Variants in B4GALNT2 observed in about 807,000 individuals in gnomAD.
The protein encoded by B4GALNT2 is beta-1,4-N-acetyl-galactosaminyltransferase 2 (SID blood group).
In B4GALNT2, 42 loss-of-function variants were observed where a neutral mutation model predicts 51.1. The observed-to-expected ratio is 0.82, with a 90% CI of 0.64 to 1.06. The LOEUF (loss-of-function observed/expected upper bound fraction) is 1.06. Ranked by LOEUF, B4GALNT2 falls within the 50% of genes least tolerant of loss-of-function variation. The pLI, the probability that B4GALNT2 is intolerant of heterozygous loss-of-function variation, is 0.00. For synonymous variants in B4GALNT2, 253 were observed against 251.7 expected (o/e 1.01, Z -0.05); for missense variants, 602 against 633.6 (o/e 0.95, Z 0.54).
intron 1 of B4GALNT2, among the ~76,000 whole-genome samples, chr17:49,136,122 A>G (rs1169371922): frequency 6.6e-6 from 1 of 151,458 alleles, no homozygotes. Context: ...GCTTTTATTC[A>G]TGTGGTTATT....
At chr17:49,163,409 C>T (rs768011324) in intron 7 of B4GALNT2, among the ~76,000 whole-genome samples, 1 of 151,218 alleles carries the variant, frequency 6.6e-6, no homozygotes. Flanking sequence ...GGCTTCATGA[C>T]CCTCCATATT....
intron 3 of B4GALNT2, among the ~76,000 whole-genome samples, chr17:49,143,935 G>A (rs1598201242): frequency 6.6e-6 from 1 of 152,146 alleles, no homozygotes; most frequent in Non-Finnish European, 1.5e-5. Context: ...ACCACCTGAG[G>A]TCAGGAGTTC....
rs1442986473 is a variant in B4GALNT2, at chr17:49,172,994, G to A, written c.*3266G>A. On this transcript the variant is annotated 3_prime_UTR_variant, in exon 11 of 11. Coordinates refer to ENST00000393354, the MANE Select transcript of B4GALNT2 (RefSeq NM_001159387.2). ...TGGGCATCGCTGGATAATAGCTTTA[G>A]CTTCTTTCCAGGTAATGCCGTATCT... 1 of 152,378 alleles carries A rather than the reference G, an allele frequency of 6.6e-6. No homozygotes were observed. Among genetic ancestry groups the A allele is most frequent in the Non-Finnish European group, 1.5e-5 (1 of 68,042 alleles). The allele number at this position is 152,378 out of a possible 1,614,324, so 9.4% of individuals were successfully genotyped here. A position where few individuals can be genotyped will look rare whatever the true frequency, so the allele number is the denominator to read the frequency against.
At chr17:49,133,769 C>T (rs1326708851) in intron 1 of B4GALNT2, among the ~76,000 whole-genome samples, 2 of 152,066 alleles carry the variant, frequency 1.3e-5, no homozygotes, top group Admixed American at 6.5e-5. Flanking sequence ...AAAAATTAGC[C>T]GGGTGTGGTG....
chr17:49,148,346 G>A, intron 3 of B4GALNT2: 1 of 364,996 alleles, frequency 2.7e-6, no homozygotes, highest in Non-Finnish European at 5.4e-6. Context: ...ATTTTACTGA[G>A]GTGGCTGACC....
Position 49,175,850 on chromosome 17 carries a change from T to A in B4GALNT2, c.*6122T>A, listed in dbSNP as rs1013665928. 4 of 152,066 alleles carry A rather than the reference T, an allele frequency of 2.6e-5. No individual in the cohort carries two copies. The highest frequency in any genetic ancestry group is 9.7e-5 in the African/African-American group (4 of 41,398). 9.4% of individuals were successfully genotyped at this position (152,066 alleles called of 1,614,324 possible). ...CTCTGGAAAAGAAAGATCTGTAGGG[T>A]CAGGTCACTCTTTTTCTTCAAAATA... On this transcript the variant is annotated 3_prime_UTR_variant, in exon 11 of 11. Transcript: ENST00000393354.
At chr17:49,155,390 G>C (rs2042799356) in intron 4 of B4GALNT2, among the ~76,000 whole-genome samples, 1 of 150,312 alleles carries the variant, frequency 6.7e-6, no homozygotes, top group Non-Finnish European at 1.5e-5. Context: ...ATCATTTGAG[G>C]TCAGGAGTTT....
upstream of B4GALNT2, among the ~76,000 whole-genome samples, chr17:49,131,998 C>T (rs1567851932): frequency 6.6e-6 from 1 of 151,950 alleles, no homozygotes; most frequent in Non-Finnish European, 1.5e-5. Context: ...TTTAATTAGC[C>T]AGGTGCGGTC....
At chr17:49,161,364 A>T (rs748337197) in intron 7 of B4GALNT2, among the ~76,000 whole-genome samples, 57 of 151,668 alleles carry the variant, frequency 3.8e-4, no homozygotes, top group Non-Finnish European at 7.5e-4. Flanking sequence ...ATCACGTGAG[A>T]TAATGGTGTA....
chr17:49,132,591 G>T, upstream of B4GALNT2: 1 of 465,160 alleles, frequency 2.1e-6, no homozygotes. Context: ...CCGATCACCG[G>T]CAGCGGAGGA....
intron 8 of B4GALNT2, among the ~76,000 whole-genome samples, chr17:49,165,707 C>G (rs949246261): frequency 1.3e-5 from 2 of 151,162 alleles, no homozygotes; most frequent in African/African-American, 4.9e-5. Context: ...TCTCTCTCCC[C>G]CTTCCTTCCT....
Position 49,133,307 on chromosome 17 carries a change from C to G in B4GALNT2, c.14+501C>G. 1.0e-5 allele frequency: 14 copies of G among 1,390,056 alleles called. No individual in the cohort carries two copies. In the South Asian group the frequency reaches 2.1e-4, roughly 21 times the overall value. The allele number at this position is 1,390,056 out of a possible 1,614,324, so 86.1% of individuals were successfully genotyped here. A position where few individuals can be genotyped will look rare whatever the true frequency, so the allele number is the denominator to read the frequency against. On this transcript the variant is annotated intron_variant, in intron 1 of 10. Transcript: ENST00000393354. The stretch of plus-strand genomic sequence containing the variant: ...GTCTCCTCCACAGTCCGCGCGGAGT[C>G]AGGGAAAAGTCGGTTTTCAAATCCA...
At chr17:49,133,727 A>G (rs2042562908) in intron 1 of B4GALNT2, among the ~76,000 whole-genome samples, 1 of 152,108 alleles carries the variant, frequency 6.6e-6, no homozygotes, top group Admixed American at 6.5e-5. Flanking sequence ...AGCCTGGCCA[A>G]CATGGTGAAA....
intron 7 of B4GALNT2, among the ~76,000 whole-genome samples, chr17:49,160,998 G>T (rs549272952): frequency 3.9e-5 from 6 of 152,080 alleles, no homozygotes; most frequent in Non-Finnish European, 8.8e-5. Flanking sequence ...TGTCTGGCCG[G>T]GCGCAGTGAC....
chr17:49,133,000 G>A, intron 1 of B4GALNT2, 194 bp downstream of exon 1: 1 of 1,454,692 alleles, frequency 6.9e-7, no homozygotes. Context: ...GACGGCGCGT[G>A]CGGAACGAAC....
At chr17:49,155,746 C>T (rs181208338) in intron 4 of B4GALNT2, among the ~76,000 whole-genome samples, 168 of 150,860 alleles carry the variant, frequency 1.1e-3, no homozygotes, top group Admixed American at 2.5e-3. Flanking sequence ...TTTTTTGAGA[C>T]GCAGTCTTGC....
chr17:49,154,021 T>G lies in B4GALNT2; in HGVS notation c.460+1115T>G, dbSNP rs533422892. Among the ~76,000 whole-genome samples the G allele has an allele frequency of 1.5e-3, 215 of 145,114 alleles. 1 individual carries two copies. Among genetic ancestry groups the G allele is most frequent in the Admixed American group, 3.2e-3 (46 of 14,426 alleles). ...CTCTGTAAAAAGTGCTTTTTTTTTT[T>G]TGGGGACGGAGTCTTGCTGTCACCC... On this transcript the variant is annotated intron_variant, in intron 4 of 10. Coordinates refer to ENST00000393354, the MANE Select transcript of B4GALNT2 (RefSeq NM_001159387.2).
intron 4 of B4GALNT2, 35 bp downstream of exon 4, chr17:49,152,941 A>G (rs1043895113): frequency 5.2e-6 from 8 of 1,546,382 alleles, no homozygotes; most frequent in Non-Finnish European, 7.1e-6. Context: ...ACCCCAGACA[A>G]CATTCTCACT....
intron 8 of B4GALNT2, among the ~76,000 whole-genome samples, chr17:49,164,878 C>T (rs548517611): frequency 1.3e-5 from 2 of 152,188 alleles, no homozygotes; most frequent in East Asian, 3.9e-4. Flanking sequence ...GGTGCAATCA[C>T]AGTGATCATG....
Sources: gnomAD v4.1 joint callset for allele counts (sites outside exome capture counted in the v4.1 genomes callset) on GRCh38, gnomAD v4.1.1 for gene constraint, MANE v1.5 for transcripts, NCBI Gene and HGNC (gene_info 2026-07-23, HGNC 2026-07-21) for gene names.